MED13L: variants seen among roughly 807,000 people sequenced by gnomAD.
The protein encoded by MED13L is mediator of RNA polymerase II transcription subunit 13-like.
Under a neutral mutation model 220.9 loss-of-function variants are expected in MED13L, and 7 were observed. The observed-to-expected ratio is 0.03, with a 90% CI of 0.02 to 0.06. The LOEUF is 0.06. Ranked by LOEUF, MED13L falls within the 10% of genes least tolerant of loss-of-function variation. MED13L has a pLI of 1.00. For synonymous variants in MED13L, 1,011 were observed against 1,015.2 expected (o/e 1.00, Z 0.08); for missense variants, 1,965 against 2,760.5 (o/e 0.71, Z 6.46).
intron 2 of MED13L, among the ~76,000 whole-genome samples, chr12:116,162,797 C>T (rs1878986153): frequency 1.3e-5 from 2 of 152,150 alleles, no homozygotes; most frequent in African/African-American, 2.4e-5. Flanking sequence ...TGTCAAGTGA[C>T]TTTTTCTATT....
intron 4 of MED13L, among the ~76,000 whole-genome samples, chr12:116,059,889 A>G (rs1869298339): frequency 6.6e-6 from 1 of 152,218 alleles, no homozygotes; most frequent in Admixed American, 6.5e-5. Flanking sequence ...GCTTTAAATT[A>G]TTATTTAAAT....
At chr12:116,053,211 T>A (rs1157888614) in intron 4 of MED13L, among the ~76,000 whole-genome samples, 1 of 152,152 alleles carries the variant, frequency 6.6e-6, no homozygotes, top group Non-Finnish European at 1.5e-5. Flanking sequence ...CAGATACAAG[T>A]GATTAGGGAG....
At chr12:116,226,714 CA>C (rs1555224473) in intron 2 of MED13L, among the ~76,000 whole-genome samples, 1 of 152,008 alleles carries the variant, frequency 6.6e-6, no homozygotes, top group Non-Finnish European at 1.5e-5. Flanking sequence ...ACTAAAAATA[CA>C]AAAACTAGCC....
rs537356679 is a variant in MED13L, at chr12:116,169,645, T to C, written c.311-58133A>G. Reference sequence around the variant, plus strand: ...AATAACCTTTTCAGTTAATTGCAGATACCTTTCTCTAACACTATACCAAAA... The same window carrying C: ...AATAACCTTTTCAGTTAATTGCAGACACCTTTCTCTAACACTATACCAAAA... On this transcript the variant is annotated intron_variant, in intron 2 of 30. Coordinates refer to ENST00000281928, the MANE Select transcript of MED13L (RefSeq NM_015335.5). Among the ~76,000 whole-genome samples the C allele has an allele frequency of 3.3e-5, 5 of 152,366 alleles. No homozygotes were observed. The South Asian group carries it at 8.3e-4, about 25-fold the overall frequency.
At chr12:115,978,326 CTTT>C (rs60887652) in intron 23 of MED13L, among the ~76,000 whole-genome samples, 7 of 132,172 alleles carry the variant, frequency 5.3e-5, no homozygotes, top group African/African-American at 8.5e-5. Flanking sequence ...AATTTTTTTT[CTTT>C]TTTTTTTTTT....
At chr12:116,083,356 C>T (rs1466861974) in intron 4 of MED13L, among the ~76,000 whole-genome samples, 1 of 138,458 alleles carries the variant, frequency 7.2e-6, no homozygotes, top group African/African-American at 2.7e-5. Context: ...GAGTCAAAAT[C>T]GCGTCACTGC....
At chr12:116,156,402 T>TAAAAA (rs11366103) in intron 2 of MED13L, among the ~76,000 whole-genome samples, 13 of 119,438 alleles carry the variant, frequency 1.1e-4, no homozygotes, top group African/African-American at 3.4e-4. Context: ...TCCAATTACT[T>TAAAAA]AAAAAAAAAA....
At chr12:115,967,567 T>C (rs1340443374) in intron 28 of MED13L, among the ~76,000 whole-genome samples, 1 of 152,204 alleles carries the variant, frequency 6.6e-6, no homozygotes, top group Admixed American at 6.5e-5. Flanking sequence ...AATTCTTTGT[T>C]AATGCATAAA....
chr12:116,038,462 T>C (rs927114812), intron 4 of MED13L, among the ~76,000 whole-genome samples: 6 of 152,082 alleles, frequency 3.9e-5, no homozygotes, highest in African/African-American at 1.4e-4. Flanking sequence ...TGTGTCTCAT[T>C]GTACACCTTA....
At chr12:116,245,681 A>G (rs1461384289) in intron 1 of MED13L, among the ~76,000 whole-genome samples, 1 of 152,184 alleles carries the variant, frequency 6.6e-6, no homozygotes, top group East Asian at 1.9e-4. Flanking sequence ...CAGAAATGAT[A>G]AAACTTAGTA....
At chr12:116,115,448 T>C (rs969685781) in intron 2 of MED13L, among the ~76,000 whole-genome samples, 1 of 152,078 alleles carries the variant, frequency 6.6e-6, no homozygotes, top group Non-Finnish European at 1.5e-5. Flanking sequence ...AAAGATTTCT[T>C]AGATATGACA....
chr12:116,243,566 C>T (rs1033339662), intron 1 of MED13L, among the ~76,000 whole-genome samples: 3 of 151,976 alleles, frequency 2.0e-5, no homozygotes, highest in Admixed American at 1.3e-4. Context: ...CTATTCTTCA[C>T]ATACAATATA....
In MED13L at chr12:115,983,434, C is replaced by T. The variant is rs545122941; in HGVS notation, c.4638G>A (p.Gly1546=). Residue 1546 remains glycine, a synonymous_variant, in exon 21 of 31, where the codon GGG becomes GGA. Transcript: ENST00000281928. The stretch of plus-strand genomic sequence containing the variant: ...CTGCTGATCCATTTGGAGCTAAGGG[C>T]CCAGCATTCCCTGGCGTAGCTTGTC... The part of the protein sequence containing the change: ...AQGQATPGNA[G]PLAPNGSAAP... The T allele has an allele frequency of 6.2e-7, 1 of 1,614,160 alleles. No homozygotes were observed. The highest frequency in any genetic ancestry group is 1.7e-5 in the Admixed American group (1 of 60,026).
chr12:116,042,289 G>A (rs1348792084), intron 4 of MED13L, among the ~76,000 whole-genome samples: 1 of 152,178 alleles, frequency 6.6e-6, no homozygotes, highest in Admixed American at 6.5e-5. Context: ...TACCATCTTG[G>A]CTATCCCTGA....
intron 10 of MED13L, 193 bp downstream of exon 10, chr12:116,008,208 G>T: frequency 1.4e-6 from 1 of 693,016 alleles, no homozygotes; most frequent in Non-Finnish European, 2.3e-6. Context: ...ATATGCCCAT[G>T]TGTCAAATGA....
At chr12:116,166,658 C>G (rs1879304127) in intron 2 of MED13L, among the ~76,000 whole-genome samples, 3 of 152,144 alleles carry the variant, frequency 2.0e-5, no homozygotes, top group Non-Finnish European at 4.4e-5. Context: ...CTATACAGCA[C>G]CATACTGCTC....
chr12:116,271,357 G>A (rs545972605), intron 1 of MED13L, among the ~76,000 whole-genome samples: 4 of 151,976 alleles, frequency 2.6e-5, no homozygotes, highest in East Asian at 1.9e-4. Context: ...TTGGGAGGCC[G>A]AGGCGGGAGG....
chr12:116,273,140 A>G (rs1405833409), intron 1 of MED13L, among the ~76,000 whole-genome samples: 1 of 152,094 alleles, frequency 6.6e-6, no homozygotes, highest in Non-Finnish European at 1.5e-5. Flanking sequence ...CCCCGTCTCT[A>G]CTAAAAATAC....
At chr12:116,220,367 T>C (rs987892634) in intron 2 of MED13L, among the ~76,000 whole-genome samples, 3 of 152,176 alleles carry the variant, frequency 2.0e-5, no homozygotes, top group Non-Finnish European at 4.4e-5. Flanking sequence ...AGATTCCCAC[T>C]TCTCTTAGAC....
Sources: gnomAD v4.1 joint callset for allele counts (sites outside exome capture counted in the v4.1 genomes callset) on GRCh38, gnomAD v4.1.1 for gene constraint, MANE v1.5 for transcripts, NCBI Gene and HGNC (gene_info 2026-07-23, HGNC 2026-07-21) for gene names.